The following RHOBTB2 variants were observed in gnomAD, a reference collection of about 807,000 sequenced individuals.
The protein encoded by RHOBTB2 is Rho related BTB domain containing 2.
In RHOBTB2, 39 loss-of-function variants were observed where a neutral mutation model predicts 66.5. That is an observed-to-expected ratio of 0.59 (90% CI 0.45 to 0.77). The LOEUF (loss-of-function observed/expected upper bound fraction) is 0.77. Ranked by LOEUF, RHOBTB2 falls within the 30% of genes least tolerant of loss-of-function variation. RHOBTB2 has a pLI of 0.00. For missense variants in RHOBTB2, 755 were observed against 999.1 expected, an observed-to-expected ratio of 0.76 and a Z score of 3.29; for synonymous variants, 390 against 395.0, an observed-to-expected ratio of 0.99 and a Z score of 0.15.
chr8:22,983,336 T>TAA (rs532894152), upstream of RHOBTB2, among the ~76,000 whole-genome samples: 3,548 of 134,482 alleles, frequency 0.026, 158 homozygotes, highest in African/African-American at 0.092. Context: ...ACCATTTAGT[T>TAA]AAAAAAAAAA....
Position 23,015,738 on chromosome 8 carries a change from C to T in RHOBTB2, c.1961C>T (p.Ser654Phe). Residue 654 changes from serine (S) to phenylalanine (F), a missense_variant, in exon 9 of 10, where the codon TCC (serine) becomes TTC (phenylalanine). By Grantham distance (155) the Ser-to-Phe change is radical. Coordinates refer to ENST00000251822, the MANE Select transcript of RHOBTB2 (RefSeq NM_015178.3). Reference protein sequence around the residue: ...RKFPRDMKAMSPENQEYFEKH... With the variant: ...RKFPRDMKAMFPENQEYFEKH... ...TTCCCCCGAGACATGAAGGCCATGTCCCCAGGTGAGCATCGGGGCCAGTCC... is the reference window on the plus strand; with the variant it reads ...TTCCCCCGAGACATGAAGGCCATGTTCCCAGGTGAGCATCGGGGCCAGTCC... 6.2e-7 allele frequency: 1 copy of T among 1,610,526 alleles called. No individual in the cohort carries two copies. Among genetic ancestry groups the T allele is most frequent in the Non-Finnish European group, 8.5e-7 (1 of 1,176,968 alleles).
Position 23,006,364 on chromosome 8 carries a change from TAGAG to T in RHOBTB2, c.482+222_482+225del, listed in dbSNP as rs1810950565. 1.8e-6 allele frequency: 1 copy of T among 557,128 alleles called. No individual in the cohort carries two copies. The highest frequency in any genetic ancestry group is 3.2e-6 in the Non-Finnish European group (1 of 315,116). 34.5% of individuals were successfully genotyped at this position (557,128 alleles called of 1,614,324 possible). Reference sequence around the variant, plus strand: ...CTATGTAAAGCATCATGAAGAAAAATAGAGAGGAAGAGGTGATATTTGCATGAAA... The same window carrying T: ...CTATGTAAAGCATCATGAAGAAAAATAGGAAGAGGTGATATTTGCATGAAA... On this transcript the variant is annotated intron_variant, in intron 4 of 9. Transcript: ENST00000251822. The surrounding 1 kb of genome is among the most constrained non-coding windows in gnomAD (Gnocchi z 6.1).
chr8:22,999,035 AC>A (rs1053696011), upstream of RHOBTB2: 6 of 152,146 alleles, frequency 3.9e-5, no homozygotes, highest in African/African-American at 1.4e-4. Flanking sequence ...ACAGGTACCC[AC>A]CCCACAACTC....
At chr8:23,007,784 T>C in intron 5 of RHOBTB2, 38 bp downstream of exon 5, 2 of 1,601,112 alleles carry the variant, frequency 1.2e-6, no homozygotes, top group East Asian at 2.2e-5. Flanking sequence ...GGTTCTGCAT[T>C]GGTGCTATTA....
Position 23,007,444 on chromosome 8 carries a change from T to C in RHOBTB2, c.1199T>C (p.Met400Thr), listed in dbSNP as rs373034424. ...GCTTTTGTGAGCATCCAGGAAGAGA[T>C]GGCAGAAGATCCTCTCACCTACAAA... is the stretch of plus-strand genomic sequence containing the variant. ...SRAFVSIQEEMAEDPLTYKSR... is the reference protein window; with the variant it reads ...SRAFVSIQEETAEDPLTYKSR... Residue 400 changes from methionine (M) to threonine (T), a missense_variant, in exon 5 of 10, where the codon ATG becomes ACG. Physicochemically the swap from Met to Thr is moderately conservative, Grantham distance 81 (BLOSUM62 -1). This residue lies in a region of RHOBTB2 where 353 missense variants were observed against 458.2 expected (regional missense o/e 0.77). Transcript: ENST00000251822. The C allele has an allele frequency of 1.2e-5, 20 of 1,614,156 alleles. No individual in the cohort carries two copies. The highest frequency in any genetic ancestry group is 5.0e-5 in the Admixed American group (3 of 60,016).
At chr8:23,002,551 A>T (rs1810816070) in intron 1 of RHOBTB2, among the ~76,000 whole-genome samples, 1 of 152,168 alleles carries the variant, frequency 6.6e-6, no homozygotes, top group South Asian at 2.1e-4. Context: ...ATTAGCCGGC[A>T]TAGTGGCACA....
At chr8:22,953,425 T>TG in the RHOBTB2 span, among the ~76,000 whole-genome samples, 9 of 90,046 alleles carry the variant, frequency 1.0e-4, no homozygotes, top group Non-Finnish European at 1.7e-4. Flanking sequence ...ATTCCTGGGG[T>TG]GGGGTTGGGG....
At chr8:22,952,207 A>T in the RHOBTB2 span, among the ~76,000 whole-genome samples, 2 of 152,060 alleles carry the variant, frequency 1.3e-5, no homozygotes, top group Non-Finnish European at 2.9e-5. Flanking sequence ...ACTCTGTCCC[A>T]CCTGGCGAGT....
In RHOBTB2 at chr8:23,007,392, G is replaced by T; in HGVS notation, c.1147G>T (p.Gly383Cys). The change falls in exon 5 of 10, where the codon GGT (glycine) becomes TGT (cysteine). Residue 383 changes from glycine to cysteine, a missense_variant. Gly to Cys is a radical substitution (Grantham distance 159). This residue lies in a region of RHOBTB2 where 247 missense variants were observed against 238.9 expected (regional missense o/e 1.03). Coordinates refer to ENST00000251822, the MANE Select transcript of RHOBTB2 (RefSeq NM_015178.3). ...CGGAACAGGGTACCTACCGGGCAGG[G>T]GTCGTGTGCTGTCTTCCTGGAGCCG... ...GNGTGYLPGRGRVLSSWSRAF... is the reference protein window; with the variant it reads ...GNGTGYLPGRCRVLSSWSRAF... 1.9e-6 allele frequency: 3 copies of T among 1,614,174 alleles called. No homozygotes were observed. Among genetic ancestry groups the T allele is most frequent in the Middle Eastern group, 1.6e-4 (1 of 6,062 alleles).
intron 1 of RHOBTB2, among the ~76,000 whole-genome samples, chr8:22,988,153 C>CTT (rs34922844): frequency 2.7e-3 from 211 of 78,068 alleles, no homozygotes; most frequent in African/African-American, 3.3e-3. Context: ...GCTCCTTCCC[C>CTT]TTTTTTTTTT....
At position 23,007,396 on chromosome 8, in the gene RHOBTB2, G is replaced by A. The variant is rs747262121; in HGVS notation, c.1151G>A (p.Arg384His). 6 of 1,614,130 alleles carry A rather than the reference G, an allele frequency of 3.7e-6. No homozygotes were observed. Among genetic ancestry groups the A allele is most frequent in the South Asian group, 1.1e-5 (1 of 91,082 alleles). ...NGTGYLPGRG[R>H]VLSSWSRAFV... The stretch of plus-strand genomic sequence containing the variant: ...ACAGGGTACCTACCGGGCAGGGGTC[G>A]TGTGCTGTCTTCCTGGAGCCGAGCT... The change falls in exon 5 of 10, where the codon CGT becomes CAT. Residue 384 changes from arginine (R) to histidine (H), a missense_variant. Physicochemically the swap from Arg to His is conservative, Grantham distance 29 (BLOSUM62 0). Coordinates refer to ENST00000251822, the MANE Select transcript of RHOBTB2 (RefSeq NM_015178.3).
upstream of RHOBTB2, among the ~76,000 whole-genome samples, chr8:22,983,294 C>A (rs1810239449): frequency 6.7e-6 from 1 of 150,166 alleles, no homozygotes; most frequent in Non-Finnish European, 1.5e-5. Flanking sequence ...ATGTGTGACA[C>A]TTTTACCTTG....
chr8:22,970,641 G>A, the RHOBTB2 span, among the ~76,000 whole-genome samples: 3 of 150,234 alleles, frequency 2.0e-5, no homozygotes, highest in African/African-American at 7.3e-5. Flanking sequence ...TTTATTTTTT[G>A]TGGAGACAGT....
At position 23,004,366 on chromosome 8, in the gene RHOBTB2, C is replaced by G. The variant is rs1810881919; in HGVS notation, c.-10-59C>G. The G allele has an allele frequency of 1.4e-6, 2 of 1,473,208 alleles. No individual in the cohort carries two copies. Among genetic ancestry groups the G allele is most frequent in the Admixed American group, 1.7e-5 (1 of 59,286 alleles). The allele number at this position is 1,473,208 out of a possible 1,614,324, so 91.3% of individuals were successfully genotyped here. On this transcript the variant is annotated intron_variant, in intron 1 of 9. Transcript: ENST00000251822. The surrounding 1 kb of genome is among the most constrained non-coding windows in gnomAD (Gnocchi z 6.4). Reference sequence around the variant, plus strand: ...CTGAGGAGAGCTGCGGGTGCTGGCCCTGGCCCACGGCGAGCTGGCATGCCA... The same window carrying G: ...CTGAGGAGAGCTGCGGGTGCTGGCCGTGGCCCACGGCGAGCTGGCATGCCA...
chr8:22,978,797 G>A, the RHOBTB2 span, among the ~76,000 whole-genome samples: 4 of 152,004 alleles, frequency 2.6e-5, no homozygotes, highest in Admixed American at 2.0e-4. Flanking sequence ...ACATATAACA[G>A]TATATGACAT....
At chr8:22,973,298 C>T in the RHOBTB2 span, among the ~76,000 whole-genome samples, 4 of 152,130 alleles carry the variant, frequency 2.6e-5, no homozygotes, top group South Asian at 4.1e-4. Flanking sequence ...GCCCGATCAT[C>T]GCTCATTGCA....
At chr8:23,014,400 T>G (rs1347813574) in intron 7 of RHOBTB2, among the ~76,000 whole-genome samples, 2 of 152,232 alleles carry the variant, frequency 1.3e-5, no homozygotes. Context: ...TTGGGAACTT[T>G]GACCCTACCT....
At chr8:22,968,164 A>AAT in the RHOBTB2 span, among the ~76,000 whole-genome samples, 1 of 152,148 alleles carries the variant, frequency 6.6e-6, no homozygotes, top group African/African-American at 2.4e-5. Context: ...CAAAAAAAAA[A>AAT]AAAATTGTTA....
At chr8:23,014,808 A>C in intron 8 of RHOBTB2, 30 bp downstream of exon 8, 1 of 1,568,144 alleles carries the variant, frequency 6.4e-7, no homozygotes, top group Non-Finnish European at 8.8e-7. Flanking sequence ...AATCTACAAC[A>C]GTCTCAGTTC....
Sources: allele counts gnomAD v4.1 joint callset (sites outside exome capture counted in the v4.1 genomes callset), GRCh38; gene constraint gnomAD v4.1.1; regional missense constraint gnomAD v4.1.1; non-coding constraint Gnocchi (gnomAD v3.1); transcripts MANE v1.5; gene names NCBI Gene and HGNC (gene_info 2026-07-23, HGNC 2026-07-21).